Variants in NISCH observed in about 807,000 individuals in gnomAD.
NISCH encodes the protein nischarin.
A neutral mutation model predicts 138.4 loss-of-function variants in NISCH; 55 were observed. The observed-to-expected ratio is 0.40, with a 90% confidence interval of 0.32 to 0.50. The LOEUF is 0.50. Among genes scored for constraint, NISCH ranks in the 20% least tolerant of loss-of-function variants. NISCH has a pLI of 0.71. For missense variants in NISCH, 1,643 were observed against 2,005.5 expected (o/e 0.82, Z 3.45); for synonymous variants, 860 against 861.5 (o/e 1.00, Z 0.03).
rs1395355410 is a variant in NISCH at position 52,485,837 on chromosome 3, A to C, written c.1703+10A>C. 1.9e-6 allele frequency: 3 copies of C among 1,573,456 alleles called. No homozygotes were observed. The highest frequency in any genetic ancestry group is 2.6e-6 in the Non-Finnish European group (3 of 1,158,056). On this transcript the variant is annotated intron_variant, in intron 15 of 20. Transcript: ENST00000345716. ...CTGTTGGTGGTGCAAGGTAAGGAAG[A>C]GGTTGGAAAGGGACCTGGGCCTGGC...
Position 52,490,150 on chromosome 3 carries a change from G to A in NISCH, c.3532G>A (p.Ala1178Thr). The A allele has an allele frequency of 6.2e-7, 1 of 1,613,622 alleles. No homozygotes were observed. Reference protein sequence around the residue: ...FYQTPGLEVTACVLLSTKAVY... With the variant: ...FYQTPGLEVTTCVLLSTKAVY... ...CCAGACCCCAGGGCTGGAGGTGACT[G>A]CCTGCGTGCTGCTCTCCACCAAGGC... is the stretch of plus-strand genomic sequence containing the variant. The change falls in exon 18 of 21, where the codon GCC (alanine) becomes ACC (threonine). Residue 1178 changes from alanine to threonine, a missense_variant. By Grantham distance (58) the Ala-to-Thr change is moderately conservative (BLOSUM62 0). Transcript: ENST00000345716.
At chr3:52,464,517 CTTTTTTTTTT>C (rs71084185) in intron 3 of NISCH, among the ~76,000 whole-genome samples, 6 of 75,822 alleles carry the variant, frequency 7.9e-5, no homozygotes, top group African/African-American at 1.6e-4. Flanking sequence ...TGTGAGTTGT[CTTTTTTTTTT>C]TTTTTTTTTT....
At position 52,487,811 on chromosome 3, in the gene NISCH, C is replaced by T. The variant is rs1326394823; in HGVS notation, c.2319C>T (p.Phe773=). The T allele has an allele frequency of 1.2e-6, 2 of 1,613,480 alleles. No homozygotes were observed. Among genetic ancestry groups the T allele is most frequent in the African/African-American group, 2.7e-5 (2 of 74,796 alleles). ...FPHGDLTEFG[F]LMPELCLVLK... is the part of the protein sequence containing the mutation. ...ATGGCGACCTCACCGAGTTTGGCTT[C>T]CTCATGCCGGAGCTGTGTCTGGTGC... Residue 773 remains phenylalanine (F), a synonymous_variant, in exon 16 of 21, where the codon TTC becomes TTT. Coordinates refer to ENST00000345716, the MANE Select transcript of NISCH (RefSeq NM_007184.4). The surrounding 1 kb of genome is among the most constrained non-coding windows in gnomAD (Gnocchi z 9.1).
At chr3:52,465,212 C>T (rs1364021866) in intron 3 of NISCH, among the ~76,000 whole-genome samples, 1 of 152,178 alleles carries the variant, frequency 6.6e-6, no homozygotes, top group East Asian at 1.9e-4. Context: ...TCACTGCAGC[C>T]TCAACCTCCC....
chr3:52,491,330 T>A, intron 19 of NISCH, 22 bp from the exon 20 acceptor site: 1 of 1,601,852 alleles, frequency 6.2e-7, no homozygotes, highest in African/African-American at 1.3e-5. Context: ...CCTGTGGCCC[T>A]GACCAGCCCC....
rs1323481445 is a variant in NISCH, at chr3:52,455,626, C to T, written c.-16C>T. On this transcript the variant is annotated 5_prime_UTR_variant, in exon 1 of 21. Coordinates refer to ENST00000345716, the MANE Select transcript of NISCH (RefSeq NM_007184.4). ...GCTAGTCTGCGCCGGGCGGCGGTGG[C>T]GGCGGAGACCCGAACATGGCGACCG... 3.8e-6 allele frequency: 5 copies of T among 1,315,764 alleles called. No individual in the cohort carries two copies. Among genetic ancestry groups the T allele is most frequent in the Admixed American group, 3.2e-5 (1 of 31,252 alleles). 81.5% of individuals were successfully genotyped at this position (1,315,764 alleles called of 1,614,324 possible).
In NISCH at chr3:52,487,871, T is replaced by C; in HGVS notation, c.2379T>C (p.Ile793=). 6.2e-7 allele frequency: 1 copy of C among 1,612,386 alleles called. No homozygotes were observed. Among genetic ancestry groups the C allele is most frequent in the Non-Finnish European group, 8.5e-7 (1 of 1,179,860 alleles). The part of the protein sequence containing the change: ...KVRHSENTLF[I]ISDAANLHEF... ...GGCACAGTGAGAACACGCTCTTCATTATCTCGGACGCCGCCAACCTGCACG... is the reference window on the plus strand; with the variant it reads ...GGCACAGTGAGAACACGCTCTTCATCATCTCGGACGCCGCCAACCTGCACG... Residue 793 remains isoleucine, a synonymous_variant, in exon 16 of 21, where the codon ATT becomes ATC. Transcript: ENST00000345716. This position sits in a 1 kb window ranked among gnomAD's most constrained non-coding sequence, Gnocchi z 9.1.
intron 15 of NISCH, among the ~76,000 whole-genome samples, chr3:52,486,966 C>A (rs538956560): frequency 6.6e-6 from 1 of 152,302 alleles, no homozygotes; most frequent in South Asian, 2.1e-4. Context: ...ATGGTCCAAG[C>A]CCCTAGAAGC....
At position 52,473,845 on chromosome 3, in the gene NISCH, A is replaced by G; in HGVS notation, c.765+16A>G. On this transcript the variant is annotated intron_variant, in intron 7 of 20. Transcript: ENST00000345716. ...CTCGATGAAGGTAAGCTTCACCTATATCCTGCCTGGGGCAATGTCTGTGGA... is the reference window on the plus strand; with the variant it reads ...CTCGATGAAGGTAAGCTTCACCTATGTCCTGCCTGGGGCAATGTCTGTGGA... The G allele has an allele frequency of 6.3e-7, 1 of 1,574,978 alleles. No homozygotes were observed. The highest frequency in any genetic ancestry group is 8.7e-7 in the Non-Finnish European group (1 of 1,149,026).
chr3:52,457,789 G>C (rs370618579), intron 1 of NISCH, 54 bp from the exon 2 acceptor site: 1 of 1,200,820 alleles, frequency 8.3e-7, no homozygotes, highest in African/African-American at 1.5e-5. Context: ...TGGGGGAGGA[G>C]ACTCCTTGTT....
At position 52,487,002 on chromosome 3, in the gene NISCH, C is replaced by T. The variant is rs1190234104; in HGVS notation, c.1704-194C>T. Among the ~76,000 whole-genome samples, 1 of 152,248 alleles carries T rather than the reference C, an allele frequency of 6.6e-6. No homozygotes were observed. The highest frequency in any genetic ancestry group is 1.5e-5 in the Non-Finnish European group (1 of 68,038). On this transcript the variant is annotated intron_variant, in intron 15 of 20. Coordinates refer to ENST00000345716, the MANE Select transcript of NISCH (RefSeq NM_007184.4). This position sits in a 1 kb window ranked among gnomAD's most constrained non-coding sequence, Gnocchi z 9.1. ...ATAGACTCTGACCAAACTGGCGACC[C>T]AGCCTTCCAGCAGGCAGCACTGGCT...
intron 13 of NISCH, chr3:52,484,242 A>G (rs1332077723): frequency 2.5e-6 from 1 of 393,164 alleles, no homozygotes; most frequent in Non-Finnish European, 4.6e-6. Context: ...TTTAATTTTT[A>G]TGTAGTCACA....
chr3:52,476,350 T>C, intron 7 of NISCH, 97 bp from the exon 8 acceptor site: 1 of 1,352,564 alleles, frequency 7.4e-7, no homozygotes, highest in Non-Finnish European at 1.0e-6. Flanking sequence ...ATGCTAAATA[T>C]GCTCCAGCCC....
At chr3:52,481,642 C>CAGTG (rs1305549084) in intron 13 of NISCH, 3 of 985,656 alleles carry the variant, frequency 3.0e-6, no homozygotes, top group Non-Finnish European at 3.6e-6. Context: ...ATCTGTTGAT[C>CAGTG]AGTGAGTGAG....
intron 3 of NISCH, among the ~76,000 whole-genome samples, chr3:52,464,159 A>T (rs1706714836): frequency 6.6e-6 from 1 of 151,736 alleles, no homozygotes; most frequent in Non-Finnish European, 1.5e-5. Flanking sequence ...GCACTTTGGA[A>T]GGCTGAGGTG....
At chr3:52,486,861 G>A (rs1389763842) in intron 15 of NISCH, among the ~76,000 whole-genome samples, 1 of 152,200 alleles carries the variant, frequency 6.6e-6, no homozygotes, top group Non-Finnish European at 1.5e-5. Flanking sequence ...CCTTCTCTCC[G>A]GGGCTTATGG....
At chr3:52,457,682 G>A (rs1269998480) in intron 1 of NISCH, among the ~76,000 whole-genome samples, 161 bp from the exon 2 acceptor site, 1 of 152,222 alleles carries the variant, frequency 6.6e-6, no homozygotes, top group East Asian at 1.9e-4. Context: ...AGGCTGGTGG[G>A]CAAGGGCAGC....
At chr3:52,486,024 G>C (rs1578308258) in intron 15 of NISCH, among the ~76,000 whole-genome samples, 197 bp downstream of exon 15, 1 of 152,202 alleles carries the variant, frequency 6.6e-6, no homozygotes, top group East Asian at 1.9e-4. Flanking sequence ...CCTAAACTCT[G>C]CTCAGCACAT....
chr3:52,489,856 T>C, intron 17 of NISCH, 178 bp downstream of exon 17: 1 of 1,259,622 alleles, frequency 7.9e-7, no homozygotes, highest in Non-Finnish European at 1.1e-6. Flanking sequence ...CCCTGGCCAT[T>C]TGTGCTGTGT....
Sources: gnomAD v4.1 joint callset for allele counts (sites outside exome capture counted in the v4.1 genomes callset) on GRCh38, gnomAD v4.1.1 for gene constraint, Gnocchi (gnomAD v3.1) non-coding constraint, MANE v1.5 for transcripts, NCBI Gene and HGNC (gene_info 2026-07-23, HGNC 2026-07-21) for gene names.